Variants in MFHAS1 observed in about 807,000 individuals in gnomAD.
MFHAS1 encodes the protein malignant fibrous histiocytoma-amplified sequence 1.
Under a neutral mutation model 70.4 loss-of-function variants are expected in MFHAS1, and 50 were observed. That is an observed-to-expected ratio of 0.71 (90% confidence interval 0.57 to 0.90). MFHAS1 has a LOEUF of 0.90. Ranked by LOEUF, MFHAS1 falls within the 40% of genes least tolerant of loss-of-function variation. The pLI, the probability that MFHAS1 is intolerant of heterozygous loss-of-function variation, is 0.00. For missense variants in MFHAS1, 1,795 were observed against 1,347.6 expected, an observed-to-expected ratio of 1.33 and a Z score of -5.20; for synonymous variants, 952 against 620.0, an observed-to-expected ratio of 1.54 and a Z score of -7.96.
rs35910015 is a variant in MFHAS1 at position 8,865,276 on chromosome 8, C to CAAAAA, written c.2998+24780_2998+24784dup. ...TGGATGACAGAGTGAGACTCCATCT[C>CAAAAA]AAAAAAAAAAAAAAAAAAAAAAAAG... On this transcript the variant is annotated intron_variant, in intron 1 of 2. Coordinates refer to ENST00000276282, the MANE Select transcript of MFHAS1 (RefSeq NM_004225.3). Among the ~76,000 whole-genome samples, 610 of 64,184 alleles carry CAAAAA rather than the reference C, an allele frequency of 9.5e-3. 1 individual carries two copies. The highest frequency in any genetic ancestry group is 0.013 in the Middle Eastern group (1 of 80). 42.1% of individuals were successfully genotyped at this position (64,184 alleles called of 152,430 possible).
At chr8:8,821,647 C>T (rs1806961327) in intron 1 of MFHAS1, among the ~76,000 whole-genome samples, 1 of 152,164 alleles carries the variant, frequency 6.6e-6, no homozygotes, top group African/African-American at 2.4e-5. Flanking sequence ...TGTTGCTACA[C>T]AGACTTGATG....
At position 8,783,840 on chromosome 8, in the gene MFHAS1, G is replaced by A. The variant is rs893294681; in HGVS notation, c.*2182C>T. The A allele has an allele frequency of 1.3e-5, 2 of 152,174 alleles. No individual in the cohort carries two copies. The highest frequency in any genetic ancestry group is 2.9e-5 in the Non-Finnish European group (2 of 67,996). 9.4% of individuals were successfully genotyped at this position (152,174 alleles called of 1,614,324 possible). ...AGTCCTGTAGAGCAGAGTGATTTTTGTATCTCCAACCCTCCTCCCAACTTG... is the reference window on the plus strand; with the variant it reads ...AGTCCTGTAGAGCAGAGTGATTTTTATATCTCCAACCCTCCTCCCAACTTG... On this transcript the variant is annotated 3_prime_UTR_variant, in exon 3 of 3. Coordinates refer to ENST00000276282, the MANE Select transcript of MFHAS1 (RefSeq NM_004225.3).
chr8:8,811,368 C>T (rs1015306368), intron 1 of MFHAS1, among the ~76,000 whole-genome samples: 1 of 151,600 alleles, frequency 6.6e-6, no homozygotes, highest in Non-Finnish European at 1.5e-5. Context: ...AGTACAGTGG[C>T]GCAATCATAG....
At chr8:8,887,859 C>CAAAAAAAAAAAAAAA (rs11300082) in intron 1 of MFHAS1, among the ~76,000 whole-genome samples, 1 of 95,460 alleles carries the variant, frequency 1.0e-5, no homozygotes, top group Admixed American at 1.2e-4. Context: ...GCAAAAAAAA[C>CAAAAAAAAAAAAAAA]AAAAAAAAAA....
Position 8,785,902 on chromosome 8 carries a change from C to A in MFHAS1, c.*120G>T, listed in dbSNP as rs545983578. 2.0e-6 allele frequency: 2 copies of A among 991,310 alleles called. No homozygotes were observed. Among genetic ancestry groups the A allele is most frequent in the Non-Finnish European group, 3.2e-6 (2 of 627,526 alleles). The allele number at this position is 991,310 out of a possible 1,614,324, so 61.4% of individuals were successfully genotyped here. ...GTCCAAAAAGCACCCTGCAAGCACG[C>A]GTTGTCACTCAAGTTCACAGAACAC... On this transcript the variant is annotated 3_prime_UTR_variant, in exon 3 of 3. Coordinates refer to ENST00000276282, the MANE Select transcript of MFHAS1 (RefSeq NM_004225.3).
intron 1 of MFHAS1, among the ~76,000 whole-genome samples, chr8:8,838,864 G>A (rs994307149): frequency 3.3e-5 from 5 of 151,470 alleles, no homozygotes; most frequent in Middle Eastern, 3.5e-3. Flanking sequence ...CCCTTCCTGA[G>A]TACCAGTTAT....
rs775602578 is a variant in MFHAS1, at chr8:8,891,801, C to A, written c.1258G>T (p.Ala420Ser). The A allele has an allele frequency of 3.7e-6, 6 of 1,613,370 alleles. No individual in the cohort carries two copies. The highest frequency in any genetic ancestry group is 5.1e-6 in the Non-Finnish European group (6 of 1,180,012). Residue 420 changes from alanine (A) to serine (S), a missense_variant, in exon 1 of 3, where the codon GCA becomes TCA. Physicochemically the swap from Ala to Ser is moderately conservative, Grantham distance 99. Transcript: ENST00000276282. This position sits in a 1 kb window ranked among gnomAD's most constrained non-coding sequence, Gnocchi z 5.4. ...CAGTGGCGCAGCAAAGTCTTTCCTG[C>A]AGCCTTATGCCCCATCAGGAGCAGC... ...LKLLLMGHKA[A>S]GKTLLRHCLT...
intron 1 of MFHAS1, among the ~76,000 whole-genome samples, chr8:8,855,231 G>A (rs113068151): frequency 0.06 from 9,109 of 152,296 alleles, 322 homozygotes; most frequent in East Asian, 0.15. Flanking sequence ...GGGATCACAG[G>A]CGTGAGCCAC....
chr8:8,879,736 G>A (rs1381875614), intron 1 of MFHAS1, among the ~76,000 whole-genome samples: 1 of 152,090 alleles, frequency 6.6e-6, no homozygotes, highest in African/African-American at 2.4e-5. Flanking sequence ...CATTAACCAA[G>A]ATCCCAACAC....
chr8:8,835,752 G>A (rs1403299555), intron 1 of MFHAS1, among the ~76,000 whole-genome samples: 1 of 152,198 alleles, frequency 6.6e-6, no homozygotes, highest in Non-Finnish European at 1.5e-5. Flanking sequence ...CTACGTAGAA[G>A]AGTCAATATT....
At chr8:8,813,185 T>C (rs1274650784) in intron 1 of MFHAS1, among the ~76,000 whole-genome samples, 3 of 152,254 alleles carry the variant, frequency 2.0e-5, no homozygotes, top group Non-Finnish European at 4.4e-5. Flanking sequence ...AATGCATTAT[T>C]CTTATGTTTG....
In MFHAS1 at chr8:8,893,129, G is replaced by T; in HGVS notation, c.-71C>A. 1 of 1,179,524 alleles carries T rather than the reference G, an allele frequency of 8.5e-7. No individual in the cohort carries two copies. Among genetic ancestry groups the T allele is most frequent in the South Asian group, 2.0e-5 (1 of 50,152 alleles). 73.1% of individuals were successfully genotyped at this position (1,179,524 alleles called of 1,614,324 possible). On this transcript the variant is annotated 5_prime_UTR_variant, in exon 1 of 3. Coordinates refer to ENST00000276282, the MANE Select transcript of MFHAS1 (RefSeq NM_004225.3). ...AGCTACATGCCGCGCCGCGCCCCGG[G>T]CCCTCCGGCTCCTGCCCCTGCCTGC...
intron 1 of MFHAS1, among the ~76,000 whole-genome samples, chr8:8,819,608 CAAA>C (rs201326485): frequency 2.2e-5 from 2 of 91,248 alleles, no homozygotes; most frequent in African/African-American, 4.0e-5. Context: ...CAACTCAAAA[CAAA>C]AAAAAAAAAA....
At chr8:8,809,515 C>G (rs1257521695) in intron 1 of MFHAS1, among the ~76,000 whole-genome samples, 4 of 152,224 alleles carry the variant, frequency 2.6e-5, no homozygotes, top group Non-Finnish European at 1.5e-5. Context: ...AAAGCCGCCT[C>G]TTCCCGCCAC....
chr8:8,816,192 A>G (rs1348343958), intron 1 of MFHAS1, among the ~76,000 whole-genome samples: 5 of 152,158 alleles, frequency 3.3e-5, no homozygotes, highest in Admixed American at 3.3e-4. Context: ...GCAAGGAGTG[A>G]GGGTGATGGA....
chr8:8,820,599 C>T (rs985102145), intron 1 of MFHAS1, among the ~76,000 whole-genome samples: 1 of 152,134 alleles, frequency 6.6e-6, no homozygotes, highest in African/African-American at 2.4e-5. Flanking sequence ...TGGAATCCCC[C>T]ATTGCCTAAT....
Position 8,891,342 on chromosome 8 carries a change from C to T in MFHAS1, c.1717G>A (p.Ala573Thr). The T allele has an allele frequency of 6.2e-7, 1 of 1,611,070 alleles. No homozygotes were observed. Among genetic ancestry groups the T allele is most frequent in the Non-Finnish European group, 8.5e-7 (1 of 1,180,018 alleles). The change falls in exon 1 of 3, where the codon GCC becomes ACC. Residue 573 changes from alanine to threonine, a missense_variant. By Grantham distance (58) the Ala-to-Thr change is moderately conservative. Coordinates refer to ENST00000276282, the MANE Select transcript of MFHAS1 (RefSeq NM_004225.3). This position sits in a 1 kb window ranked among gnomAD's most constrained non-coding sequence, Gnocchi z 5.4. ...GCCAGTGCCTCGTCCACCACCTTGG[C>T]CAAGCGGCTCAGTCCCTCCGCGTCG... Reference protein sequence around the residue: ...KHDAEGLSRLAKVVDEALARD... With the variant: ...KHDAEGLSRLTKVVDEALARD...
chr8:8,797,392 G>A lies in MFHAS1; in HGVS notation c.3098C>T (p.Thr1033Met), dbSNP rs778131440. Residue 1033 changes from threonine (T) to methionine (M), a missense_variant, in exon 2 of 3, where the codon ACG becomes ATG. Physicochemically the swap from Thr to Met is moderately conservative, Grantham distance 81. Transcript: ENST00000276282. Reference protein sequence around the residue: ...RVNVALVYPPTPTVISPCSKK... With the variant: ...RVNVALVYPPMPTVISPCSKK... ...GGAACAGGGGCTGATCACAGTCGGC[G>A]TGGGTGGGTAAACCAAGGCAACATT... is the stretch of plus-strand genomic sequence containing the variant. 8.1e-6 allele frequency: 13 copies of A among 1,613,982 alleles called. No homozygotes were observed. Among genetic ancestry groups the A allele is most frequent in the Middle Eastern group, 3.3e-4 (2 of 6,084 alleles).
chr8:8,858,828 A>C lies in MFHAS1; in HGVS notation c.2998+31233T>G, dbSNP rs549674610. Among the ~76,000 whole-genome samples the C allele has an allele frequency of 1.2e-4, 19 of 152,320 alleles. No homozygotes were observed. The South Asian group carries it at 1.7e-3, about 13-fold the overall frequency. On this transcript the variant is annotated intron_variant, in intron 1 of 2. Transcript: ENST00000276282. The stretch of plus-strand genomic sequence containing the variant: ...CAAGGATCAACTACACTCATGATTC[A>C]GACCAAAATAGAAATAAACAAAGTG...
Sources: allele counts gnomAD v4.1 joint callset (sites outside exome capture counted in the v4.1 genomes callset), GRCh38; gene constraint gnomAD v4.1.1; non-coding constraint Gnocchi (gnomAD v3.1); transcripts MANE v1.5; gene names NCBI Gene and HGNC (gene_info 2026-07-23, HGNC 2026-07-21).